NEBL: variants seen among roughly 807,000 people sequenced by gnomAD.
NEBL encodes LIM and SH3 protein 2.
In NEBL, 122 loss-of-function variants were observed where a neutral mutation model predicts 140.2. The observed-to-expected ratio is 0.87, with a 90% confidence interval of 0.75 to 1.01. The LOEUF (loss-of-function observed/expected upper bound fraction) is 1.01. NEBL is among the 50% of genes least tolerant of loss of function. The probability of loss-of-function intolerance (pLI) is 0.00; values close to 1 mark genes in which losing one functional copy is unlikely to be tolerated. For synonymous variants in NEBL, 436 were observed against 398.9 expected, an observed-to-expected ratio of 1.09 and a Z score of -1.11; for missense variants, 1,365 against 1,231.3, an observed-to-expected ratio of 1.11 and a Z score of -1.62.
chr10:21,086,946 C>T (rs1232261014), intron 2 of NEBL, among the ~76,000 whole-genome samples: 1 of 152,078 alleles, frequency 6.6e-6, no homozygotes, highest in Non-Finnish European at 1.5e-5. Flanking sequence ...AACACCAATC[C>T]CAATCAATTT....
intron 2 of NEBL, among the ~76,000 whole-genome samples, chr10:21,137,508 C>G (rs1020862288): frequency 1.3e-5 from 2 of 152,158 alleles, no homozygotes; most frequent in Admixed American, 1.3e-4. Flanking sequence ...GCTCCTGCTC[C>G]GTGTCTAAGA....
chr10:21,112,166 G>T (rs1240503172), intron 2 of NEBL, among the ~76,000 whole-genome samples: 2 of 152,208 alleles, frequency 1.3e-5, no homozygotes, highest in East Asian at 3.8e-4. Flanking sequence ...TTCAACCATT[G>T]TGGAAAACAG....
intron 1 of NEBL, among the ~76,000 whole-genome samples, chr10:21,271,264 A>G (rs1842856879): frequency 6.6e-6 from 1 of 152,212 alleles, no homozygotes; most frequent in Non-Finnish European, 1.5e-5. Context: ...AGAGACAAAT[A>G]CTGCATGATC....
chr10:21,144,841 C>T (rs925480769), intron 2 of NEBL, among the ~76,000 whole-genome samples: 7 of 151,960 alleles, frequency 4.6e-5, no homozygotes, highest in Non-Finnish European at 8.8e-5. Context: ...ATATGTCTCT[C>T]ATCTCCTCTG....
intron 2 of NEBL, among the ~76,000 whole-genome samples, chr10:21,031,857 T>TA (rs1233056219): frequency 6.6e-6 from 1 of 152,176 alleles, no homozygotes; most frequent in Non-Finnish European, 1.5e-5. Flanking sequence ...TTATTCCCTA[T>TA]AAAAAAATTT....
intron 21 of NEBL, among the ~76,000 whole-genome samples, chr10:20,816,872 C>T (rs1172673517): frequency 6.6e-6 from 1 of 152,152 alleles, no homozygotes; most frequent in Admixed American, 6.6e-5. Flanking sequence ...ATTATCATTT[C>T]TTCCTAGACT....
intron 3 of NEBL, among the ~76,000 whole-genome samples, chr10:21,011,291 A>C (rs1340292537): frequency 6.6e-6 from 1 of 152,220 alleles, no homozygotes. Context: ...ACAGGTCAGC[A>C]ACTTATTTAC....
chr10:20,963,044 AC>A (rs1836130378), intron 3 of NEBL, among the ~76,000 whole-genome samples: 1 of 145,856 alleles, frequency 6.9e-6, no homozygotes, highest in African/African-American at 2.5e-5. Flanking sequence ...ACACACACAC[AC>A]ACGGAAATCT....
rs777990080 is a variant in NEBL at position 20,814,042 on chromosome 10, A to G, written c.2243T>C (p.Val748Ala). Residue 748 changes from valine (V) to alanine (A), a missense_variant and splice_region_variant, in exon 23 of 28, where the codon GTA (valine) becomes GCA (alanine). Transcript: ENST00000377122. ...CTGTTTATGGTCCTGGGTATATTTT[A>G]CCTGCAAAGTAAATAGTAGGCATAA... Reference protein sequence around the residue: ...VKKNQENISSVKYTQDHKQMK... With the variant: ...VKKNQENISSAKYTQDHKQMK... The G allele has an allele frequency of 6.4e-7, 1 of 1,564,786 alleles. No homozygotes were observed. Among genetic ancestry groups the G allele is most frequent in the South Asian group, 1.1e-5 (1 of 90,058 alleles).
chr10:21,220,166 GCCTCCCGAA>G (rs898153670), intron 3 of NEBL, among the ~76,000 whole-genome samples: 2 of 152,086 alleles, frequency 1.3e-5, no homozygotes, highest in Admixed American at 6.6e-5. Flanking sequence ...GCCCATCTTG[GCCTCCCGAA>G]GTGCTGGGAT....
chr10:20,912,365 T>C (rs1488978469), intron 4 of NEBL, among the ~76,000 whole-genome samples: 1 of 152,124 alleles, frequency 6.6e-6, no homozygotes, highest in Non-Finnish European at 1.5e-5. Flanking sequence ...AGTGGGAGGA[T>C]CACTTGAGCC....
chr10:21,166,338 G>C (rs905396282), intron 2 of NEBL, among the ~76,000 whole-genome samples: 1 of 149,964 alleles, frequency 6.7e-6, no homozygotes, highest in African/African-American at 2.5e-5. Flanking sequence ...TCTCTTTTTA[G>C]TACTTAAATG....
chr10:20,838,794 G>T (rs749910395), intron 13 of NEBL, among the ~76,000 whole-genome samples: 2 of 152,038 alleles, frequency 1.3e-5, no homozygotes, highest in Non-Finnish European at 2.9e-5. Context: ...AAGACCCTCC[G>T]CCAGTGAAAA....
chr10:21,145,787 AC>A (rs1839862769), intron 2 of NEBL, among the ~76,000 whole-genome samples: 1 of 152,174 alleles, frequency 6.6e-6, no homozygotes, highest in African/African-American at 2.4e-5. Context: ...CTGCACGCAA[AC>A]CCTGTAGGGA....
Position 20,789,968 on chromosome 10 carries a change from T to TAC in NEBL, c.2762-2662_2762-2661dup, listed in dbSNP as rs1010292399. Among the ~76,000 whole-genome samples, 433 of 150,262 alleles carry TAC rather than the reference T, an allele frequency of 2.9e-3. 4 individuals are homozygous for TAC. Among genetic ancestry groups the TAC allele is most frequent in the Non-Finnish European group, 4.0e-3 (269 of 67,588 alleles). ...ATATGTGTGTGTATATATATATATATACACACACACACATACAAGTTATAT... is the reference window on the plus strand; with the variant it reads ...ATATGTGTGTGTATATATATATATATACACACACACACACATACAAGTTATAT... On this transcript the variant is annotated intron_variant, in intron 26 of 27. Coordinates refer to ENST00000377122, the MANE Select transcript of NEBL (RefSeq NM_006393.3).
At chr10:21,051,138 A>T (rs2131852914) in intron 2 of NEBL, among the ~76,000 whole-genome samples, 1 of 152,324 alleles carries the variant, frequency 6.6e-6, no homozygotes, top group East Asian at 1.9e-4. Context: ...TAGGAAAAAA[A>T]CACATACACC....
intron 2 of NEBL, among the ~76,000 whole-genome samples, chr10:21,024,920 C>T (rs532906798): frequency 1.2e-3 from 188 of 152,274 alleles, no homozygotes; most frequent in African/African-American, 4.0e-3. Flanking sequence ...GCATCTAACA[C>T]GAATCGGTAG....
chr10:21,196,506 G>T (rs192745798), intron 3 of NEBL, among the ~76,000 whole-genome samples: 1 of 151,308 alleles, frequency 6.6e-6, no homozygotes, highest in Non-Finnish European at 1.5e-5. Context: ...CACTAAACCC[G>T]GCTAATTTTT....
At chr10:20,791,199 T>C (rs1835936508) in intron 26 of NEBL, among the ~76,000 whole-genome samples, 1 of 152,198 alleles carries the variant, frequency 6.6e-6, no homozygotes, top group African/African-American at 2.4e-5. Context: ...TCTAAGCATT[T>C]CAGGCTCTAT....
Sources: allele counts gnomAD v4.1 joint callset (sites outside exome capture counted in the v4.1 genomes callset), GRCh38; gene constraint gnomAD v4.1.1; transcripts MANE v1.5; gene names NCBI Gene and HGNC (gene_info 2026-07-23, HGNC 2026-07-21).